The following MAGI2 variants were observed in gnomAD, a reference collection of about 807,000 sequenced individuals.
MAGI2 encodes the protein membrane-associated guanylate kinase, WW and PDZ domain-containing protein 2.
A neutral mutation model predicts 133.3 loss-of-function variants in MAGI2; 35 were observed. The observed-to-expected ratio is 0.26, with a 90% CI of 0.20 to 0.35. MAGI2 has a LOEUF of 0.35. Ranked by LOEUF, MAGI2 falls within the 10% of genes least tolerant of loss-of-function variation. The pLI is 1.00. For missense variants in MAGI2, 1,636 were observed against 1,863.4 expected (o/e 0.88, Z 2.25); for synonymous variants, 729 against 710.6 (o/e 1.03, Z -0.41).
In MAGI2 at chr7:78,420,762, A is replaced by G. The variant is rs530729358; in HGVS notation, c.1046-51549T>C. ...TAGCAGTACTGCCCATATCCTGGCC[A>G]TATCATTTAATTAACAAAACTGAAA... is the stretch of plus-strand genomic sequence containing the variant. On this transcript the variant is annotated intron_variant, in intron 6 of 21. Coordinates refer to ENST00000354212, the MANE Select transcript of MAGI2 (RefSeq NM_012301.4). Among the ~76,000 whole-genome samples the G allele has an allele frequency of 7.3e-4, 111 of 152,298 alleles. 2 individuals carry two copies. Among genetic ancestry groups the G allele is most frequent in the African/African-American group, 2.4e-3 (100 of 41,574 alleles).
chr7:79,217,108 T>C (rs1830086087), intron 1 of MAGI2, among the ~76,000 whole-genome samples: 1 of 152,092 alleles, frequency 6.6e-6, no homozygotes, highest in African/African-American at 2.4e-5. Flanking sequence ...AAGTTTACCC[T>C]TTTCACTTTG....
intron 2 of MAGI2, among the ~76,000 whole-genome samples, chr7:78,993,158 G>T (rs1281239032): frequency 3.9e-5 from 6 of 151,928 alleles, no homozygotes; most frequent in African/African-American, 1.4e-4. Flanking sequence ...AACTATCCTA[G>T]TTTTCTAAAG....
intron 3 of MAGI2, among the ~76,000 whole-genome samples, chr7:78,570,437 G>A (rs1182349934): frequency 6.6e-6 from 1 of 152,126 alleles, no homozygotes; most frequent in East Asian, 1.9e-4. Flanking sequence ...GTGGGGAAGA[G>A]AAGAGAGAAA....
chr7:79,157,957 T>A (rs1394661390), intron 1 of MAGI2, among the ~76,000 whole-genome samples: 2 of 150,090 alleles, frequency 1.3e-5, no homozygotes, highest in African/African-American at 2.4e-5. Context: ...TGTGTGTGTG[T>A]GTGTGTGTGT....
At chr7:79,352,064 T>C (rs1841726801) in intron 1 of MAGI2, among the ~76,000 whole-genome samples, 2 of 152,152 alleles carry the variant, frequency 1.3e-5, no homozygotes, top group South Asian at 2.1e-4. Context: ...GATAACACCA[T>C]ATAGAAATTA....
chr7:78,730,210 G>GAT (rs1274109006), intron 2 of MAGI2, among the ~76,000 whole-genome samples: 1 of 151,962 alleles, frequency 6.6e-6, no homozygotes, highest in African/African-American at 2.4e-5. Flanking sequence ...CAATTTTTAA[G>GAT]ATATATACCT....
chr7:78,574,143 C>T (rs182532016), intron 3 of MAGI2, among the ~76,000 whole-genome samples: 1 of 152,250 alleles, frequency 6.6e-6, no homozygotes, highest in East Asian at 1.9e-4. Flanking sequence ...AACCATGTTC[C>T]CTTTTTGAGC....
chr7:78,575,807 A>C (rs373662845), intron 3 of MAGI2, among the ~76,000 whole-genome samples: 12 of 152,328 alleles, frequency 7.9e-5, no homozygotes, highest in African/African-American at 2.9e-4. Flanking sequence ...AAATCTGAGA[A>C]ATTGTCACAA....
intron 3 of MAGI2, among the ~76,000 whole-genome samples, chr7:78,534,091 G>T (rs1657989001): frequency 6.6e-6 from 1 of 152,134 alleles, no homozygotes; most frequent in South Asian, 2.1e-4. Flanking sequence ...AAGGAACAAT[G>T]GTGAATGACA....
At chr7:79,184,866 A>G (rs968220830) in intron 1 of MAGI2, among the ~76,000 whole-genome samples, 3 of 151,734 alleles carry the variant, frequency 2.0e-5, no homozygotes, top group African/African-American at 7.3e-5. Flanking sequence ...GTGACATAAT[A>G]AATAAAGGTG....
intron 1 of MAGI2, among the ~76,000 whole-genome samples, chr7:79,135,955 GA>G: frequency 9.7e-5 from 2 of 20,650 alleles, no homozygotes; most frequent in African/African-American, 1.4e-4. Flanking sequence ...AAGAAAGAAA[GA>G]AAGAAAGAAA....
chr7:79,257,072 T>C lies in MAGI2; in HGVS notation c.301+195948A>G, dbSNP rs1003765727. Among the ~76,000 whole-genome samples, 37 of 152,218 alleles carry C rather than the reference T, an allele frequency of 2.4e-4. 1 individual carries two copies. The highest frequency in any genetic ancestry group is 2.1e-4 in the South Asian group (1 of 4,826). ...ACAAAAACCATACTTTATGATGTAA[T>C]ATGTATGTTAATTAGCTACAGTTAG... On this transcript the variant is annotated intron_variant, in intron 1 of 21. Coordinates refer to ENST00000354212, the MANE Select transcript of MAGI2 (RefSeq NM_012301.4).
intron 1 of MAGI2, among the ~76,000 whole-genome samples, chr7:79,440,465 G>T (rs1440932472): frequency 6.6e-6 from 1 of 151,804 alleles, no homozygotes; most frequent in Non-Finnish European, 1.5e-5. Context: ...AAAATTTCTT[G>T]AGCCCTACCA....
chr7:79,178,774 A>AT (rs544815734), intron 1 of MAGI2, among the ~76,000 whole-genome samples: 28 of 151,772 alleles, frequency 1.8e-4, no homozygotes, highest in South Asian at 2.1e-4. Context: ...CATCAAATTA[A>AT]TTTTTTTTGT....
chr7:79,095,281 T>A (rs1817424036), intron 1 of MAGI2, among the ~76,000 whole-genome samples: 1 of 152,228 alleles, frequency 6.6e-6, no homozygotes, highest in Non-Finnish European at 1.5e-5. Flanking sequence ...GTGGCTTGTT[T>A]GACAATCTGT....
chr7:78,375,138 C>A (rs1409792597), intron 6 of MAGI2, among the ~76,000 whole-genome samples: 1 of 152,110 alleles, frequency 6.6e-6, no homozygotes, highest in Non-Finnish European at 1.5e-5. Context: ...CCACCATTCC[C>A]AGGCTTCTGT....
At chr7:79,214,848 TA>T (rs1302978937) in intron 1 of MAGI2, among the ~76,000 whole-genome samples, 2 of 144,514 alleles carry the variant, frequency 1.4e-5, no homozygotes, top group Non-Finnish European at 3.0e-5. Context: ...ATAAAATTTA[TA>T]AATTTATAAA....
chr7:78,781,406 A>G (rs946976071), intron 2 of MAGI2, among the ~76,000 whole-genome samples: 1 of 150,730 alleles, frequency 6.6e-6, no homozygotes, highest in African/African-American at 2.4e-5. Context: ...AAAAGAATAT[A>G]GCAGAGGGTT....
At chr7:79,074,745 T>A (rs1216330049) in intron 1 of MAGI2, among the ~76,000 whole-genome samples, 1 of 152,190 alleles carries the variant, frequency 6.6e-6, no homozygotes, top group Non-Finnish European at 1.5e-5. Context: ...TGTCGGAAAG[T>A]CAAACATGCA....
Sources: allele counts gnomAD v4.1 joint callset (sites outside exome capture counted in the v4.1 genomes callset), GRCh38; gene constraint gnomAD v4.1.1; transcripts MANE v1.5; gene names NCBI Gene and HGNC (gene_info 2026-07-23, HGNC 2026-07-21).